The following MALRD1 variants were observed in gnomAD, a reference collection of about 807,000 sequenced individuals.
The protein encoded by MALRD1 is MAM and LDL-receptor class A domain-containing protein 1.
In MALRD1, 247 loss-of-function variants were observed where a neutral mutation model predicts 242.1. That is an observed-to-expected ratio of 1.02 (90% confidence interval 0.92 to 1.13). MALRD1 has a LOEUF of 1.13. MALRD1 is among the 50% of genes most tolerant of loss of function. The probability of loss-of-function intolerance (pLI) is 0.00; values close to 1 mark genes in which losing one functional copy is unlikely to be tolerated. For synonymous variants in MALRD1, 995 were observed against 866.6 expected (o/e 1.15, Z -2.60); for missense variants, 2,989 against 2,533.1 (o/e 1.18, Z -3.86).
intron 4 of MALRD1, among the ~76,000 whole-genome samples, chr10:19,099,853 C>T (rs1226300505): frequency 6.6e-6 from 1 of 151,518 alleles, no homozygotes; most frequent in East Asian, 1.9e-4. Flanking sequence ...ACCTCTGCCT[C>T]CCGGGTTCAA....
intron 38 of MALRD1, among the ~76,000 whole-genome samples, chr10:19,709,760 A>C (rs568855533): frequency 1.6e-4 from 25 of 152,184 alleles, no homozygotes; most frequent in Non-Finnish European, 2.4e-4. Context: ...TTTAAAAATT[A>C]AAAAGATGCC....
At chr10:19,125,554 T>C (rs1837258154) in intron 7 of MALRD1, among the ~76,000 whole-genome samples, 1 of 151,322 alleles carries the variant, frequency 6.6e-6, no homozygotes, top group African/African-American at 2.4e-5. Flanking sequence ...TTCCTTTTCT[T>C]GGAGGGGTGA....
intron 21 of MALRD1, among the ~76,000 whole-genome samples, chr10:19,303,232 T>A (rs1375920570): frequency 1.3e-5 from 2 of 151,640 alleles, no homozygotes; most frequent in African/African-American, 4.8e-5. Flanking sequence ...ACAAGCAAGC[T>A]GGCATAACAA....
At chr10:19,433,178 G>A (rs1195314867) in intron 28 of MALRD1, among the ~76,000 whole-genome samples, 3 of 152,190 alleles carry the variant, frequency 2.0e-5, no homozygotes, top group African/African-American at 7.2e-5. Context: ...TATAAGTATA[G>A]TAAGTGCTAA....
At chr10:19,488,310 A>C (rs544321307) in intron 29 of MALRD1, among the ~76,000 whole-genome samples, 1 of 152,192 alleles carries the variant, frequency 6.6e-6, no homozygotes, top group African/African-American at 2.4e-5. Flanking sequence ...GTTCTATGTG[A>C]GGCCCAAGAG....
chr10:19,664,269 T>A (rs1158959035), intron 36 of MALRD1, among the ~76,000 whole-genome samples: 1 of 152,088 alleles, frequency 6.6e-6, no homozygotes, highest in Non-Finnish European at 1.5e-5. Flanking sequence ...ATTTAGATTG[T>A]TAATTTAATG....
intron 18 of MALRD1, among the ~76,000 whole-genome samples, chr10:19,225,508 TTA>T (rs1409993488): frequency 6.9e-6 from 1 of 144,464 alleles, no homozygotes; most frequent in Non-Finnish European, 1.5e-5. Context: ...CATGTTAATG[TTA>T]TATATATATT....
At chr10:19,700,440 A>G (rs1323041392) in intron 38 of MALRD1, among the ~76,000 whole-genome samples, 2 of 152,204 alleles carry the variant, frequency 1.3e-5, no homozygotes, top group Non-Finnish European at 2.9e-5. Flanking sequence ...AAGTGACCAT[A>G]AATTTATGAA....
At chr10:19,141,197 T>A (rs72788948) in intron 10 of MALRD1, among the ~76,000 whole-genome samples, 10 of 152,210 alleles carry the variant, frequency 6.6e-5, no homozygotes, top group Non-Finnish European at 1.5e-4. Flanking sequence ...CCCTGAACAG[T>A]TTATACATGA....
chr10:19,361,000 A>G (rs1207267320), intron 26 of MALRD1, among the ~76,000 whole-genome samples: 1 of 152,012 alleles, frequency 6.6e-6, no homozygotes, highest in Admixed American at 6.6e-5. Flanking sequence ...ACCATTGCCT[A>G]AACAAGTTGT....
intron 2 of MALRD1, 125 bp from the exon 3 acceptor site, chr10:19,087,715 T>G: frequency 2.3e-6 from 1 of 432,178 alleles, no homozygotes; most frequent in Non-Finnish European, 3.9e-6. Flanking sequence ...ATCACGCTCT[T>G]TTAGTTATTT....
At chr10:19,673,081 A>G (rs1053993892) in intron 36 of MALRD1, among the ~76,000 whole-genome samples, 3 of 152,156 alleles carry the variant, frequency 2.0e-5, no homozygotes, top group African/African-American at 7.2e-5. Flanking sequence ...TCTGCTTTTT[A>G]TACAAATTTA....
rs973485533 is a variant in MALRD1 at position 19,487,985 on chromosome 10, C to G, written c.5030-3532C>G. On this transcript the variant is annotated intron_variant, in intron 29 of 39. Coordinates refer to ENST00000454679, the MANE Select transcript of MALRD1 (RefSeq NM_001142308.3). ...TGTGTTCTTTTTATTTGTGGAAGTA[C>G]TGCCTAATTGTCAGTAAATTACCTC... Among the ~76,000 whole-genome samples the G allele has an allele frequency of 2.6e-5, 4 of 152,134 alleles. No homozygotes were observed. The East Asian group carries it at 7.7e-4, about 29-fold the overall frequency.
chr10:19,447,230 A>G (rs1239920805), intron 28 of MALRD1, among the ~76,000 whole-genome samples: 1 of 152,180 alleles, frequency 6.6e-6, no homozygotes, highest in Non-Finnish European at 1.5e-5. Context: ...CATCTAACAT[A>G]GTACCTGGCA....
intron 4 of MALRD1, among the ~76,000 whole-genome samples, chr10:19,089,965 G>C (rs1835824834): frequency 7.2e-5 from 4 of 55,216 alleles, no homozygotes; most frequent in Non-Finnish European, 9.1e-5. Flanking sequence ...TTTGGTACCA[G>C]TACCATGCTG....
intron 36 of MALRD1, among the ~76,000 whole-genome samples, chr10:19,672,308 T>C (rs1589383688): frequency 6.6e-6 from 1 of 152,098 alleles, no homozygotes; most frequent in East Asian, 1.9e-4. Context: ...ACCAGCTCTT[T>C]AGACTCTTTT....
intron 13 of MALRD1, among the ~76,000 whole-genome samples, chr10:19,169,117 T>G (rs1834816102): frequency 6.6e-6 from 1 of 152,152 alleles, no homozygotes; most frequent in Non-Finnish European, 1.5e-5. Context: ...CCTGAACCAC[T>G]GTGAGGCCTT....
intron 29 of MALRD1, among the ~76,000 whole-genome samples, chr10:19,483,007 C>G (rs912040476): frequency 1.3e-5 from 2 of 151,890 alleles, no homozygotes; most frequent in African/African-American, 4.8e-5. Flanking sequence ...GCACAAAGAA[C>G]AAAGCTAGAG....
chr10:19,260,242 G>A (rs1289789908), intron 19 of MALRD1, among the ~76,000 whole-genome samples: 1 of 152,066 alleles, frequency 6.6e-6, no homozygotes, highest in Non-Finnish European at 1.5e-5. Flanking sequence ...AAGCGTGTAG[G>A]TTGGCATAGA....
Sources: allele counts gnomAD v4.1 joint callset (sites outside exome capture counted in the v4.1 genomes callset), GRCh38; gene constraint gnomAD v4.1.1; transcripts MANE v1.5; gene names NCBI Gene and HGNC (gene_info 2026-07-23, HGNC 2026-07-21).